Variants in MTUS1 observed in about 807,000 individuals in gnomAD.
MTUS1 encodes the protein microtubule associated scaffold protein 1, also known as microtubule-associated tumor suppressor 1.
In MTUS1, 109 loss-of-function variants were observed where a neutral mutation model predicts 120.8. The observed-to-expected ratio is 0.90, with a 90% CI of 0.77 to 1.06. The LOEUF is 1.06. Among genes scored for constraint, MTUS1 ranks in the 50% least tolerant of loss-of-function variants. The pLI is 0.00. For missense variants in MTUS1, 2,210 were observed against 1,486.3 expected (o/e 1.49, Z -8.01); for synonymous variants, 737 against 550.5 (o/e 1.34, Z -4.74).
intron 2 of MTUS1, among the ~76,000 whole-genome samples, chr8:17,752,041 T>C (rs2048241225): frequency 6.6e-6 from 1 of 152,070 alleles, no homozygotes; most frequent in South Asian, 2.1e-4. Context: ...CAAGACATAC[T>C]AGGATCCATT....
At chr8:17,681,028 A>C (rs1218873306) in intron 7 of MTUS1, among the ~76,000 whole-genome samples, 2 of 151,894 alleles carry the variant, frequency 1.3e-5, no homozygotes, top group Admixed American at 1.3e-4. Flanking sequence ...CCACCTCTCA[A>C]AGTAAAGTGA....
intron 6 of MTUS1, among the ~76,000 whole-genome samples, chr8:17,700,467 C>CAAAAAAAA (rs565414052): frequency 1.4e-5 from 1 of 73,480 alleles, no homozygotes; most frequent in African/African-American, 5.3e-5. Flanking sequence ...CAAAACTCCT[C>CAAAAAAAA]AAAAAAAAAA....
At chr8:17,711,332 C>G (rs1456335652) in intron 6 of MTUS1, among the ~76,000 whole-genome samples, 1 of 152,202 alleles carries the variant, frequency 6.6e-6, no homozygotes, top group Non-Finnish European at 1.5e-5. Context: ...CAAATGATCC[C>G]AGCTAGATCT....
At chr8:17,683,026 A>G (rs1048049108) in intron 7 of MTUS1, among the ~76,000 whole-genome samples, 1 of 152,230 alleles carries the variant, frequency 6.6e-6, no homozygotes, top group African/African-American at 2.4e-5. Context: ...TAATCCCAGG[A>G]CTTTGGGAGG....
At chr8:17,745,441 G>A (rs755446330) in intron 2 of MTUS1, among the ~76,000 whole-genome samples, 2 of 152,128 alleles carry the variant, frequency 1.3e-5, no homozygotes, top group Non-Finnish European at 2.9e-5. Context: ...TTTGCTTTTT[G>A]AAACACTGCA....
At position 17,756,671 on chromosome 8, in the gene MTUS1, A is replaced by ACCCCCGCC. The variant is rs1177055386; in HGVS notation, c.-154-711_-154-710insGGCGGGGG. Among the ~76,000 whole-genome samples, 54 of 117,538 alleles carry ACCCCCGCC rather than the reference A, an allele frequency of 4.6e-4. 2 individuals are homozygous for ACCCCCGCC. The South Asian group carries it at 5.5e-3, about 12-fold the overall frequency. 77.1% of individuals were successfully genotyped at this position (117,538 alleles called of 152,430 possible). On this transcript the variant is annotated intron_variant, in intron 1 of 14. Transcript: ENST00000693296. ...TCTCCAATTCATATGTCAAGCCCAA[A>ACCCCCGCC]CCCCCACCCCTTATGTAACTATGTT...
chr8:17,741,574 C>A (rs1294583694), intron 3 of MTUS1, among the ~76,000 whole-genome samples: 1 of 152,148 alleles, frequency 6.6e-6, no homozygotes, highest in Admixed American at 6.5e-5. Flanking sequence ...CTAAACAGAT[C>A]CACTTTTCTC....
Position 17,754,682 on chromosome 8 carries a change from CTT to C in MTUS1, c.1124_1125del (p.Glu375GlyfsTer24). 1 of 1,614,206 alleles carries C rather than the reference CTT, an allele frequency of 6.2e-7. No homozygotes were observed. The highest frequency in any genetic ancestry group is 8.5e-7 in the Non-Finnish European group (1 of 1,180,036). Reference sequence around the variant, plus strand: ...TTTCCTTTGGAGACCATTTGTGTGTCTTCAGTCTCAGTGACTTTATGCTCTGG... The same window carrying C: ...TTTCCTTTGGAGACCATTTGTGTGTCCAGTCTCAGTGACTTTATGCTCTGG... Reference protein sequence around the residue: ...LNPEHKVTETEDTQMVSKGKD... With the variant: ...LNPEHKVTETXDTQMVSKGKD... On this transcript the variant is annotated frameshift_variant, in exon 2 of 15. Transcript: ENST00000693296. LOFTEE classifies it high-confidence loss of function.
At chr8:17,756,882 A>C (rs2048666690) in intron 1 of MTUS1, among the ~76,000 whole-genome samples, 2 of 152,046 alleles carry the variant, frequency 1.3e-5, no homozygotes, top group African/African-American at 2.4e-5. Context: ...TCTCACCAAA[A>C]ACCAAACCCT....
At chr8:17,673,230 G>A (rs10098457) in intron 8 of MTUS1, among the ~76,000 whole-genome samples, 2,900 of 152,244 alleles carry the variant, frequency 0.019, 107 homozygotes, top group African/African-American at 0.067. Context: ...TCTGAGAGCT[G>A]GGCTGTCTCT....
Position 17,755,549 on chromosome 8 carries a change from T to G in MTUS1, c.259A>C (p.Ser87Arg), listed in dbSNP as rs1563334195. 6.2e-7 allele frequency: 1 copy of G among 1,614,188 alleles called. No homozygotes were observed. The highest frequency in any genetic ancestry group is 1.7e-5 in the Admixed American group (1 of 60,026). Residue 87 changes from serine to arginine, a missense_variant, in exon 2 of 15, where the codon AGT becomes CGT. Physicochemically the swap from Ser to Arg is moderately radical, Grantham distance 110. Transcript: ENST00000693296. The stretch of plus-strand genomic sequence containing the variant: ...AACACCTGCTTACTAATGAAATCAC[T>G]AGAAGACTTTTCATGACCAAATACT... ...VEVFGHEKSSSDFISKQVLDM... is the reference protein window; with the variant it reads ...VEVFGHEKSSRDFISKQVLDM...
At chr8:17,697,682 G>C (rs1342753749) in intron 6 of MTUS1, 15 of 1,035,360 alleles carry the variant, frequency 1.4e-5, no homozygotes, top group Non-Finnish European at 1.7e-5. Context: ...CATGCTTGTG[G>C]AGTTGTTATG....
intron 8 of MTUS1, among the ~76,000 whole-genome samples, chr8:17,664,430 C>T (rs1469359146): frequency 6.6e-6 from 1 of 151,912 alleles, no homozygotes; most frequent in Non-Finnish European, 1.5e-5. Context: ...TCTGGCCAGC[C>T]TGCTGTGGGT....
At chr8:17,650,573 A>G (rs1245154598) in intron 12 of MTUS1, among the ~76,000 whole-genome samples, 4 of 152,188 alleles carry the variant, frequency 2.6e-5, no homozygotes, top group Admixed American at 1.3e-4. Flanking sequence ...TGCCAGGCAT[A>G]GTGGCATATG....
intron 13 of MTUS1, among the ~76,000 whole-genome samples, chr8:17,647,849 TTATAGCTCC>T (rs1228310493): frequency 6.6e-6 from 1 of 152,202 alleles, no homozygotes; most frequent in Non-Finnish European, 1.5e-5. Flanking sequence ...AGAGGCAATA[TTATAGCTCC>T]GTCAGGATTA....
At chr8:17,686,578 G>A (rs1003777093) in intron 6 of MTUS1, among the ~76,000 whole-genome samples, 1 of 152,070 alleles carries the variant, frequency 6.6e-6, no homozygotes, top group Admixed American at 6.6e-5. Flanking sequence ...CCTGAGTCCT[G>A]AGTAACATTT....
chr8:17,652,751 G>A (rs1049173436), intron 12 of MTUS1, among the ~76,000 whole-genome samples: 14 of 151,632 alleles, frequency 9.2e-5, no homozygotes, highest in South Asian at 2.1e-4. Flanking sequence ...CAGGAGACTC[G>A]CTTGAACCCA....
chr8:17,798,562 G>A (rs1378841656), intron 1 of MTUS1, among the ~76,000 whole-genome samples: 40 of 152,174 alleles, frequency 2.6e-4, no homozygotes, highest in Non-Finnish European at 1.5e-5. Context: ...TCGAACCCCT[G>A]ACCTCCTGAT....
chr8:17,670,700 A>T (rs761705465), intron 8 of MTUS1, among the ~76,000 whole-genome samples: 11 of 152,048 alleles, frequency 7.2e-5, no homozygotes, highest in Non-Finnish European at 1.5e-4. Flanking sequence ...GTATGCACCT[A>T]TAATCCCAGC....
Sources: gnomAD v4.1 joint callset for allele counts (sites outside exome capture counted in the v4.1 genomes callset) on GRCh38, gnomAD v4.1.1 for gene constraint, MANE v1.5 for transcripts, NCBI Gene and HGNC (gene_info 2026-07-23, HGNC 2026-07-21) for gene names.